XRN1: variants seen among roughly 807,000 people sequenced by gnomAD.
XRN1 encodes 5'-3' exoribonuclease 1.
In XRN1, 67 loss-of-function variants were observed where a neutral mutation model predicts 222.3. The ratio of observed to expected loss-of-function variants is 0.30; its 90% CI spans 0.25 to 0.37. The LOEUF is 0.37. Among genes scored for constraint, XRN1 ranks in the 10% least tolerant of loss-of-function variants. XRN1 has a pLI of 1.00. For missense variants in XRN1, 1,707 were observed against 2,000.2 expected (o/e 0.85, Z 2.80); for synonymous variants, 643 against 652.4 (o/e 0.99, Z 0.22).
At chr3:142,423,780 T>C (rs1577414112) in intron 5 of XRN1, 138 bp from the exon 6 acceptor site, 1 of 625,524 alleles carries the variant, frequency 1.6e-6, no homozygotes, top group East Asian at 3.1e-5. Context: ...TAACAAAATA[T>C]GATCTATTTG....
intron 32 of XRN1, among the ~76,000 whole-genome samples, chr3:142,350,245 T>G (rs1023314057): frequency 6.6e-5 from 10 of 152,110 alleles, no homozygotes; most frequent in African/African-American, 2.4e-4. Flanking sequence ...GTCATCTAAG[T>G]GAACTTCATT....
chr3:142,337,999 T>C (rs2065894796), intron 33 of XRN1, among the ~76,000 whole-genome samples: 1 of 152,176 alleles, frequency 6.6e-6, no homozygotes, highest in African/African-American at 2.4e-5. Context: ...CTTGCCCCCA[T>C]GGACTGAAGT....
At chr3:142,316,214 C>CTTTTTTTTTT (rs377522108) in intron 39 of XRN1, among the ~76,000 whole-genome samples, 18 of 111,822 alleles carry the variant, frequency 1.6e-4, no homozygotes, top group Admixed American at 2.8e-4. Flanking sequence ...TCATTATCTT[C>CTTTTTTTTTT]TTTTTTTTTT....
intron 1 of XRN1, among the ~76,000 whole-genome samples, chr3:142,441,005 G>T (rs897103732): frequency 6.6e-6 from 1 of 151,934 alleles, no homozygotes; most frequent in African/African-American, 2.4e-5. Flanking sequence ...ACTTTTGGCC[G>T]CCCATTCAGA....
intron 15 of XRN1, among the ~76,000 whole-genome samples, chr3:142,406,064 A>G (rs781475528): frequency 3.3e-5 from 5 of 152,172 alleles, no homozygotes; most frequent in Non-Finnish European, 7.3e-5. Flanking sequence ...CAAAAGAAAA[A>G]AAGAAAGAGA....
In XRN1 at chr3:142,416,993, C is replaced by T. The variant is rs145588118; in HGVS notation, c.1436+147G>A. On this transcript the variant is annotated intron_variant, in intron 13 of 40. Coordinates refer to ENST00000392981, the MANE Select transcript of XRN1 (RefSeq NM_001282857.2). ...GCAATGAGCCGAGATCATGCCACTG[C>T]ACTCCAGCCTGGGCAACAGAGTGAA... 6.7e-4 allele frequency: 325 copies of T among 484,658 alleles called. 1 individual carries two copies. In the African/African-American group the frequency reaches 6.7e-3, roughly 10 times the overall value. The allele number at this position is 484,658 out of a possible 1,614,324, so 30.0% of individuals were successfully genotyped here. A position where few individuals can be genotyped will look rare whatever the true frequency, so the allele number is the denominator to read the frequency against.
chr3:142,370,584 T>C lies in XRN1; in HGVS notation c.3105A>G (p.Lys1035=). The C allele has an allele frequency of 1.3e-6, 2 of 1,593,362 alleles. No individual in the cohort carries two copies. Among genetic ancestry groups the C allele is most frequent in the Non-Finnish European group, 8.5e-7 (1 of 1,173,082 alleles). Reference sequence around the variant, plus strand: ...GAGATAAAGTACTGACAGGATGTCCTTTTAGCCAAGTAATAATTTCTTGAA... The same window carrying C: ...GAGATAAAGTACTGACAGGATGTCCCTTTAGCCAAGTAATAATTTCTTGAA... The part of the protein sequence containing the change: ...EKVQEIITWL[K]GHPVSTLSRS... Residue 1035 remains lysine, a synonymous_variant, in exon 27 of 41, where the codon AAA becomes AAG. Coordinates refer to ENST00000392981, the MANE Select transcript of XRN1 (RefSeq NM_001282857.2).
At position 142,311,369 on chromosome 3, in the gene XRN1, C is replaced by T; in HGVS notation, c.*142G>A. The stretch of plus-strand genomic sequence containing the variant: ...GTCTTTTAAACAGCATGAAAAGTGC[C>T]TGATAACTTAAAAATGAAAAAAATT... On this transcript the variant is annotated 3_prime_UTR_variant, in exon 41 of 41. Transcript: ENST00000392981. 1 of 750,556 alleles carries T rather than the reference C, an allele frequency of 1.3e-6. No individual in the cohort carries two copies. The allele number at this position is 750,556 out of a possible 1,614,324, so 46.5% of individuals were successfully genotyped here. A position where few individuals can be genotyped will look rare whatever the true frequency, so the allele number is the denominator to read the frequency against.
At position 142,375,843 on chromosome 3, in the gene XRN1, A is replaced by G. The variant is rs2067125690; in HGVS notation, c.2933T>C (p.Met978Thr). 1 of 1,613,828 alleles carries G rather than the reference A, an allele frequency of 6.2e-7. No homozygotes were observed. The highest frequency in any genetic ancestry group is 8.5e-7 in the Non-Finnish European group (1 of 1,179,932). Residue 978 changes from methionine (M) to threonine (T), a missense_variant, in exon 25 of 41, where the codon ATG becomes ACG. By Grantham distance (81) the Met-to-Thr change is moderately conservative. Transcript: ENST00000392981. ...AAGTTGTTCTGCTGCAGATGAATAC[A>G]TCCATTCACTTCCAACTTTCTTAGT... Reference protein sequence around the residue: ...GYTKKVGSEWMYSSAAEQLLA... With the variant: ...GYTKKVGSEWTYSSAAEQLLA...
rs1410671827 is a variant in XRN1 at position 142,388,597 on chromosome 3, T to C, written c.2340-3912A>G. Among the ~76,000 whole-genome samples the C allele has an allele frequency of 3.9e-5, 6 of 152,344 alleles. No individual in the cohort carries two copies. The East Asian group carries it at 9.6e-4, about 24-fold the overall frequency. On this transcript the variant is annotated intron_variant, in intron 20 of 40. Transcript: ENST00000392981. Reference sequence around the variant, plus strand: ...GGTCTCACCTTGATATTGATGGCTGTTGATTAGTCAGGGCAGTGGCCGATG... The same window carrying C: ...GGTCTCACCTTGATATTGATGGCTGCTGATTAGTCAGGGCAGTGGCCGATG...
At chr3:142,320,820 A>C (rs752343638) in intron 37 of XRN1, among the ~76,000 whole-genome samples, 5 of 152,104 alleles carry the variant, frequency 3.3e-5, no homozygotes, top group Non-Finnish European at 7.3e-5. Context: ...TTGATGCACA[A>C]AATGTTAAAA....
At chr3:142,386,830 T>C (rs1577341224) in intron 20 of XRN1, among the ~76,000 whole-genome samples, 2 of 152,206 alleles carry the variant, frequency 1.3e-5, no homozygotes, top group Non-Finnish European at 2.9e-5. Flanking sequence ...GAAAAAGCAA[T>C]AGTAAGTACT....
At chr3:142,334,803 A>ACACACACACAC (rs57347012) in intron 34 of XRN1, among the ~76,000 whole-genome samples, 8 of 134,302 alleles carry the variant, frequency 6.0e-5, no homozygotes, top group African/African-American at 1.5e-4. Context: ...CACACACACA[A>ACACACACACAC]AAGACCATAT....
At chr3:142,375,543 T>C (rs1402785092) in intron 25 of XRN1, among the ~76,000 whole-genome samples, 1 of 152,196 alleles carries the variant, frequency 6.6e-6, no homozygotes, top group East Asian at 1.9e-4. Flanking sequence ...CAATGTATGA[T>C]AGTAAGTTAA....
intron 1 of XRN1, among the ~76,000 whole-genome samples, chr3:142,441,248 G>A (rs1042261740): frequency 2.0e-5 from 3 of 152,108 alleles, no homozygotes; most frequent in African/African-American, 4.8e-5. Flanking sequence ...GGTTTCTGCC[G>A]AATATGGATT....
chr3:142,335,284 G>A (rs1041481190), intron 34 of XRN1, among the ~76,000 whole-genome samples, 164 bp downstream of exon 34: 2 of 152,136 alleles, frequency 1.3e-5, no homozygotes, highest in African/African-American at 2.4e-5. Context: ...GACTTTAGGT[G>A]TACAACCTCC....
intron 32 of XRN1, among the ~76,000 whole-genome samples, chr3:142,347,591 A>G (rs912865206): frequency 6.6e-5 from 10 of 152,066 alleles, no homozygotes; most frequent in African/African-American, 2.4e-4. Context: ...ATCATTTTAT[A>G]AAAATGCTAC....
chr3:142,416,505 A>G (rs1235803816), intron 13 of XRN1, among the ~76,000 whole-genome samples: 2 of 152,224 alleles, frequency 1.3e-5, no homozygotes, highest in Non-Finnish European at 2.9e-5. Context: ...TATTCTTGAT[A>G]GAGAATTTTT....
chr3:142,398,745 T>C (rs2068021063), intron 19 of XRN1, among the ~76,000 whole-genome samples: 1 of 151,972 alleles, frequency 6.6e-6, no homozygotes, highest in South Asian at 2.1e-4. Context: ...TTACAGGAAA[T>C]ATGTGGGATA....
Sources: allele counts gnomAD v4.1 joint callset (sites outside exome capture counted in the v4.1 genomes callset), GRCh38; gene constraint gnomAD v4.1.1; transcripts MANE v1.5; gene names NCBI Gene and HGNC (gene_info 2026-07-23, HGNC 2026-07-21).